FLACC1: variants seen among roughly 807,000 people sequenced by gnomAD.
The protein encoded by FLACC1 is flagellum associated containing coiled-coil domains 1.
A neutral mutation model predicts 62.8 loss-of-function variants in FLACC1; 66 were observed. That is an observed-to-expected ratio of 1.05 (90% CI 0.86 to 1.29). The LOEUF is 1.29. Ranked by LOEUF, FLACC1 falls within the 50% of genes most tolerant of loss-of-function variation. The pLI is 0.00. For synonymous variants in FLACC1, 156 were observed against 161.0 expected (o/e 0.97, Z 0.24); for missense variants, 452 against 489.1 (o/e 0.92, Z 0.71).
intron 1 of FLACC1, among the ~76,000 whole-genome samples, chr2:201,356,249 C>T (rs367910402): frequency 1.3e-5 from 2 of 152,198 alleles, no homozygotes; most frequent in East Asian, 1.9e-4. Flanking sequence ...CAACCTCTAC[C>T]TCCGAGGTTC....
intron 9 of FLACC1, among the ~76,000 whole-genome samples, chr2:201,319,107 A>T (rs962610961): frequency 6.6e-6 from 1 of 152,166 alleles, no homozygotes; most frequent in South Asian, 2.1e-4. Flanking sequence ...AAAAAAATTT[A>T]AAAAAATATA....
At chr2:201,339,066 C>CTTTTTTTTTTTTTTTTTTTTTTTTTT (rs1559414089) in intron 7 of FLACC1, among the ~76,000 whole-genome samples, 1 of 151,972 alleles carries the variant, frequency 6.6e-6, no homozygotes, top group African/African-American at 2.4e-5. Context: ...TGTTGGGAGA[C>CTTTTTTTTTTTTTTTTTTTTTTTTTT]TTTTTATTAC....
At chr2:201,320,222 T>A (rs2125579869) in intron 9 of FLACC1, among the ~76,000 whole-genome samples, 1 of 152,300 alleles carries the variant, frequency 6.6e-6, no homozygotes, top group East Asian at 1.9e-4. Context: ...GGTCGCAGGT[T>A]GAAAGAAGCC....
chr2:201,349,791 G>A (rs538160652), intron 3 of FLACC1, among the ~76,000 whole-genome samples: 47 of 152,284 alleles, frequency 3.1e-4, no homozygotes, highest in African/African-American at 1.1e-3. Flanking sequence ...CGGGAGGGTC[G>A]CCAAGGCTCT....
At chr2:201,304,164 T>C (rs1950051604) in intron 11 of FLACC1, among the ~76,000 whole-genome samples, 1 of 152,218 alleles carries the variant, frequency 6.6e-6, no homozygotes, top group Non-Finnish European at 1.5e-5. Context: ...ATGACATGAA[T>C]TGTATATCTA....
chr2:201,300,195 G>A (rs1260155980), intron 11 of FLACC1, among the ~76,000 whole-genome samples: 2 of 152,272 alleles, frequency 1.3e-5, no homozygotes, highest in African/African-American at 4.8e-5. Flanking sequence ...CGTGACAGAC[G>A]GCACCTGGAA....
At position 201,295,376 on chromosome 2, in the gene FLACC1, T is replaced by C. The variant is rs151056255; in HGVS notation, c.942+3862A>G. Among the ~76,000 whole-genome samples the C allele has an allele frequency of 3.3e-3, 498 of 152,298 alleles. 3 individuals carry two copies. The highest frequency in any genetic ancestry group is 0.011 in the African/African-American group (468 of 41,566). On this transcript the variant is annotated intron_variant, in intron 12 of 14. Transcript: ENST00000392257. ...AATGCCATATATCTACACTATCTGA[T>C]CTTTGACAAATCTGACAAAAACAAG...
chr2:201,317,530 AC>A (rs1950328504), intron 9 of FLACC1, among the ~76,000 whole-genome samples: 1 of 152,208 alleles, frequency 6.6e-6, no homozygotes, highest in African/African-American at 2.4e-5. Flanking sequence ...ACTATAAAAC[AC>A]TGCTAAAGAA....
At chr2:201,347,371 G>A (rs945465574) in intron 4 of FLACC1, among the ~76,000 whole-genome samples, 1 of 152,106 alleles carries the variant, frequency 6.6e-6, no homozygotes, top group Admixed American at 6.5e-5. Flanking sequence ...GACGGCCCCA[G>A]GCCACCATCA....
intron 11 of FLACC1, among the ~76,000 whole-genome samples, chr2:201,305,519 A>G (rs927703039): frequency 6.6e-6 from 1 of 152,256 alleles, no homozygotes; most frequent in African/African-American, 2.4e-5. Context: ...TGTGGAAGAC[A>G]GTGTGGCGAT....
upstream of FLACC1, among the ~76,000 whole-genome samples, chr2:201,361,984 G>C (rs1276004053): frequency 6.6e-6 from 1 of 152,134 alleles, no homozygotes; most frequent in African/African-American, 2.4e-5. Flanking sequence ...CATCTTTTCT[G>C]AATTTGCACA....
chr2:201,351,106 C>A (rs979176518), intron 2 of FLACC1, among the ~76,000 whole-genome samples, 186 bp downstream of exon 2: 1 of 152,178 alleles, frequency 6.6e-6, no homozygotes, highest in Non-Finnish European at 1.5e-5. Flanking sequence ...TGGCACAAAC[C>A]CCAGGCAGGG....
chr2:201,307,616 T>C lies in FLACC1; in HGVS notation c.782A>G (p.Lys261Arg). The C allele has an allele frequency of 6.2e-7, 1 of 1,609,274 alleles. No individual in the cohort carries two copies. Among genetic ancestry groups the C allele is most frequent in the Non-Finnish European group, 8.5e-7 (1 of 1,175,648 alleles). The change falls in exon 11 of 15, where the codon AAG becomes AGG. Residue 261 changes from lysine to arginine, a missense_variant. Around this residue, in one of 3 missense-constraint regions of FLACC1, gnomAD observed 301 missense variants for 318.4 expected, o/e 0.95. Coordinates refer to ENST00000392257, the MANE Select transcript of FLACC1 (RefSeq NM_001127391.3). Reference sequence around the variant, plus strand: ...CTCCATTTCGAATTTTTTGGTCATCTTTTTTTCTGTGGAAGTGACAGGAAA... The same window carrying C: ...CTCCATTTCGAATTTTTTGGTCATCCTTTTTTCTGTGGAAGTGACAGGAAA... Reference protein sequence around the residue: ...RENILLQQKKKMTKKFEMESG... With the variant: ...RENILLQQKKRMTKKFEMESG...
At chr2:201,361,542 C>T (rs954262859), upstream of FLACC1, among the ~76,000 whole-genome samples, 2 of 152,162 alleles carry the variant, frequency 1.3e-5, no homozygotes, top group African/African-American at 4.8e-5. Context: ...GGCTGAAGAA[C>T]ATTGTGCAAT....
chr2:201,357,702 T>C (rs1951141594), upstream of FLACC1, among the ~76,000 whole-genome samples: 1 of 152,218 alleles, frequency 6.6e-6, no homozygotes. Flanking sequence ...CACAGAAACC[T>C]AAAACTCTAG....
intron 9 of FLACC1, among the ~76,000 whole-genome samples, chr2:201,323,578 A>C (rs567278635): frequency 1.3e-5 from 2 of 152,234 alleles, no homozygotes; most frequent in South Asian, 4.1e-4. Flanking sequence ...ACCAAACTAC[A>C]AGAAATGCTA....
intron 9 of FLACC1, among the ~76,000 whole-genome samples, chr2:201,314,298 T>A (rs6731174): frequency 0.1 from 14,700 of 147,414 alleles, 807 homozygotes; most frequent in Non-Finnish European, 0.13. Flanking sequence ...TAAAAAAAAA[T>A]GATACAAGAA....
intron 9 of FLACC1, among the ~76,000 whole-genome samples, chr2:201,313,435 CCA>C (rs1210604300): frequency 6.6e-6 from 1 of 152,036 alleles, no homozygotes; most frequent in African/African-American, 2.4e-5. Context: ...TCTGTGACTG[CCA>C]GTTTACCCCT....
At chr2:201,300,558 C>G (rs1266900652) in intron 11 of FLACC1, among the ~76,000 whole-genome samples, 2 of 152,138 alleles carry the variant, frequency 1.3e-5, no homozygotes, top group African/African-American at 4.8e-5. Context: ...CCCTGTCTGA[C>G]AGCTTTGAAG....
Sources: gnomAD v4.1 joint callset for allele counts (sites outside exome capture counted in the v4.1 genomes callset) on GRCh38, gnomAD v4.1.1 for gene constraint, gnomAD v4.1.1 regional missense constraint, MANE v1.5 for transcripts, NCBI Gene and HGNC (gene_info 2026-07-23, HGNC 2026-07-21) for gene names.